The following RHBDD1 variants were observed in gnomAD, a reference collection of about 807,000 sequenced individuals.
The protein encoded by RHBDD1 is rhomboid-related protein 4.
In RHBDD1, 38 loss-of-function variants were observed where a neutral mutation model predicts 36.3. The observed-to-expected ratio is 1.05, with a 90% CI of 0.81 to 1.37. The LOEUF (loss-of-function observed/expected upper bound fraction) is 1.37. Among genes scored for constraint, RHBDD1 ranks in the 40% most tolerant of loss-of-function variants. The pLI, the probability that RHBDD1 is intolerant of heterozygous loss-of-function variation, is 0.00. For synonymous variants in RHBDD1, 151 were observed against 136.5 expected (o/e 1.11, Z -0.74); for missense variants, 393 against 377.6 (o/e 1.04, Z -0.34).
chr2:226,916,353 A>G (rs981057308), intron 8 of RHBDD1, among the ~76,000 whole-genome samples: 1 of 152,184 alleles, frequency 6.6e-6, no homozygotes, highest in African/African-American at 2.4e-5. Context: ...AGCATGCCTT[A>G]GCTATGGAAT....
chr2:226,991,134 G>A (rs569908558), intron 8 of RHBDD1, among the ~76,000 whole-genome samples: 1 of 152,318 alleles, frequency 6.6e-6, no homozygotes, highest in Admixed American at 6.5e-5. Flanking sequence ...CAAAGGGTTT[G>A]CAAACAGAAT....
intron 8 of RHBDD1, among the ~76,000 whole-genome samples, chr2:226,918,196 G>A (rs926064917): frequency 1.7e-4 from 25 of 151,398 alleles, no homozygotes; most frequent in African/African-American, 5.3e-4. Flanking sequence ...TTTAATTTTT[G>A]TGGATACATA....
At chr2:226,804,002 A>G in the RHBDD1 span, 2 of 152,236 alleles carry the variant, frequency 1.3e-5, no homozygotes, top group Non-Finnish European at 2.9e-5. Flanking sequence ...ATGACTGATG[A>G]TTAATTGAAA....
chr2:226,992,610 C>T (rs965937306), intron 8 of RHBDD1, among the ~76,000 whole-genome samples: 3 of 152,154 alleles, frequency 2.0e-5, no homozygotes, highest in African/African-American at 4.8e-5. Context: ...TTTAGAGTTA[C>T]GTCTTTGATA....
At chr2:226,837,391 T>C (rs778492881) in intron 1 of RHBDD1, 3 of 152,254 alleles carry the variant, frequency 2.0e-5, no homozygotes, top group Non-Finnish European at 2.9e-5. Context: ...CTCGGGATTC[T>C]CAATTCTGTG....
chr2:226,815,939 G>C, the RHBDD1 span, among the ~76,000 whole-genome samples: 2 of 152,182 alleles, frequency 1.3e-5, no homozygotes, highest in African/African-American at 2.4e-5. Context: ...GAAAATAACA[G>C]AATCTATTTA....
At chr2:226,805,558 A>C in the RHBDD1 span, among the ~76,000 whole-genome samples, 1 of 152,222 alleles carries the variant, frequency 6.6e-6, no homozygotes, top group Non-Finnish European at 1.5e-5. Flanking sequence ...CTAGATAAGC[A>C]TATGCTTAGA....
chr2:226,813,366 T>C, the RHBDD1 span, among the ~76,000 whole-genome samples: 1 of 152,184 alleles, frequency 6.6e-6, no homozygotes, highest in African/African-American at 2.4e-5. Flanking sequence ...ATCAGGACAA[T>C]GCCACACAGT....
intron 8 of RHBDD1, among the ~76,000 whole-genome samples, chr2:226,940,897 G>A (rs375286416): frequency 2.0e-4 from 30 of 152,140 alleles, no homozygotes; most frequent in African/African-American, 6.3e-4. Context: ...TGGGCAGCCT[G>A]GGAGTCAGAA....
At position 226,856,794 on chromosome 2, in the gene RHBDD1, T is replaced by C. The variant is rs572747956; in HGVS notation, c.-90-7810T>C. ...ATTAAAAAAGCAGAGGAAGTTTTTA[T>C]GTTTAATATAAATAATTTGCTATTT... On this transcript the variant is annotated intron_variant, in intron 3 of 8. Transcript: ENST00000392062. 8.5e-5 allele frequency among the ~76,000 whole-genome samples: 13 copies of C among 152,366 alleles called. No individual in the cohort carries two copies. The East Asian group carries it at 2.3e-3, about 27-fold the overall frequency.
chr2:226,931,815 ATTCT>A (rs1559285930), intron 8 of RHBDD1, among the ~76,000 whole-genome samples: 10 of 151,976 alleles, frequency 6.6e-5, no homozygotes, highest in Non-Finnish European at 8.8e-5. Context: ...TACTTTGGGT[ATTCT>A]AGATCTTTTG....
intron 8 of RHBDD1, among the ~76,000 whole-genome samples, chr2:226,946,452 G>T (rs1950998940): frequency 6.6e-6 from 1 of 152,036 alleles, no homozygotes; most frequent in Admixed American, 6.6e-5. Context: ...CTGTAGCCTT[G>T]TAGTGTAGTT....
chr2:226,900,931 T>C (rs567473544), intron 5 of RHBDD1, among the ~76,000 whole-genome samples: 9 of 152,324 alleles, frequency 5.9e-5, no homozygotes, highest in Admixed American at 2.6e-4. Flanking sequence ...CAATGTAATG[T>C]ATTATTATTA....
At chr2:226,870,447 T>TA (rs1014454782) in intron 5 of RHBDD1, among the ~76,000 whole-genome samples, 3 of 152,194 alleles carry the variant, frequency 2.0e-5, no homozygotes, top group Non-Finnish European at 4.4e-5. Context: ...CCTTTGCTCC[T>TA]ACTTGACTTT....
intron 8 of RHBDD1, among the ~76,000 whole-genome samples, chr2:226,962,912 T>G (rs1952320865): frequency 6.6e-6 from 1 of 152,200 alleles, no homozygotes; most frequent in Admixed American, 6.5e-5. Context: ...TAGCCTACTT[T>G]TTCAAGTGCT....
chr2:226,933,331 G>A (rs1183135220), intron 8 of RHBDD1, among the ~76,000 whole-genome samples: 1 of 152,100 alleles, frequency 6.6e-6, no homozygotes, highest in Non-Finnish European at 1.5e-5. Context: ...TGGAGTGGGT[G>A]CTGTTCTTTT....
chr2:226,996,354 A>AT lies in RHBDD1; in HGVS notation c.*833dup, dbSNP rs971577796. 2 of 152,226 alleles carry AT rather than the reference A, an allele frequency of 1.3e-5. No individual in the cohort carries two copies. Among genetic ancestry groups the AT allele is most frequent in the Non-Finnish European group, 2.9e-5 (2 of 68,050 alleles). 9.4% of individuals were successfully genotyped at this position (152,226 alleles called of 1,614,324 possible). A position where few individuals can be genotyped will look rare whatever the true frequency, so the allele number is the denominator to read the frequency against. ...ACTAGAGATCTATCTTGCAGAAAGT[A>AT]TGTTTTTCCTCATAAAAGTGCCTCT... On this transcript the variant is annotated 3_prime_UTR_variant, in exon 9 of 9. Transcript: ENST00000392062.
intron 8 of RHBDD1, among the ~76,000 whole-genome samples, chr2:226,935,745 T>G (rs1950291462): frequency 6.6e-6 from 1 of 152,068 alleles, no homozygotes; most frequent in African/African-American, 2.4e-5. Context: ...TTGGGAGATG[T>G]CAGGAATGTG....
chr2:226,962,323 T>G (rs1355104786), intron 8 of RHBDD1, among the ~76,000 whole-genome samples: 2 of 152,254 alleles, frequency 1.3e-5, no homozygotes, highest in Non-Finnish European at 2.9e-5. Flanking sequence ...ATGAAAGTCT[T>G]TGCGTCTTTC....
Sources: gnomAD v4.1 joint callset for allele counts (sites outside exome capture counted in the v4.1 genomes callset) on GRCh38, gnomAD v4.1.1 for gene constraint, MANE v1.5 for transcripts, NCBI Gene and HGNC (gene_info 2026-07-23, HGNC 2026-07-21) for gene names.